GON4L: variants seen among roughly 807,000 people sequenced by gnomAD.
GON4L encodes the protein gon-4 like.
A neutral mutation model predicts 211.8 loss-of-function variants in GON4L; 87 were observed. The ratio of observed to expected loss-of-function variants is 0.41; its 90% confidence interval spans 0.35 to 0.49. The LOEUF (loss-of-function observed/expected upper bound fraction) is 0.49. GON4L is among the 20% of genes least tolerant of loss of function. The probability of loss-of-function intolerance (pLI) is 0.15; values close to 1 mark genes in which losing one functional copy is unlikely to be tolerated. For missense variants in GON4L, 2,155 were observed against 2,659.5 expected, an observed-to-expected ratio of 0.81 and a Z score of 4.17; for synonymous variants, 875 against 962.6, an observed-to-expected ratio of 0.91 and a Z score of 1.68.
intron 2 of GON4L, among the ~76,000 whole-genome samples, chr1:155,848,213 C>T (rs1260174654): frequency 6.6e-6 from 1 of 152,178 alleles, no homozygotes; most frequent in African/African-American, 2.4e-5. Flanking sequence ...TTGCACAAAG[C>T]CAAGAACCCC....
intron 20 of GON4L, chr1:155,767,210 C>T: frequency 2.5e-6 from 3 of 1,183,600 alleles, no homozygotes; most frequent in South Asian, 3.3e-5. Context: ...CTGTGAATTT[C>T]CTTTAGCAAA....
chr1:155,814,492 C>T (rs1210301063), intron 8 of GON4L, 43 bp from the exon 9 acceptor site: 2 of 1,597,212 alleles, frequency 1.3e-6, no homozygotes, highest in East Asian at 2.2e-5. Flanking sequence ...ATGCCCCTAC[C>T]TCATTCCACA....
At chr1:155,815,941 C>T (rs751817284) in intron 7 of GON4L, 41 bp from the exon 8 acceptor site, 1 of 1,158,778 alleles carries the variant, frequency 8.6e-7, no homozygotes, top group Non-Finnish European at 1.3e-6. Context: ...TAATGGGAAA[C>T]ACAAATCATA....
chr1:155,752,460 C>A lies in GON4L; in HGVS notation c.5973G>T (p.Leu1991=), dbSNP rs1442801370. The A allele has an allele frequency of 3.2e-6, 5 of 1,569,256 alleles. No individual in the cohort carries two copies. In the African/African-American group the frequency reaches 6.8e-5, roughly 21 times the overall value. Residue 1991 remains leucine (L), a synonymous_variant, in exon 30 of 32, where the codon CTG becomes CTT. Coordinates refer to ENST00000368331, the MANE Select transcript of GON4L (RefSeq NM_001282860.2). ...PQFPPTTGAV[L]YTVKRNQVGP... ...CAACCTGGTTTCTCTTAACAGTGTACAGTACAGCTCCAGTTGTGGGGGGAA... is the reference window on the plus strand; with the variant it reads ...CAACCTGGTTTCTCTTAACAGTGTAAAGTACAGCTCCAGTTGTGGGGGGAA...
intron 10 of GON4L, among the ~76,000 whole-genome samples, chr1:155,808,998 C>A (rs993639106): frequency 6.6e-6 from 1 of 152,050 alleles, no homozygotes; most frequent in East Asian, 1.9e-4. Flanking sequence ...ACTGTAGTCT[C>A]AAGCTCCCAG....
At chr1:155,748,694 A>G (rs1279294239), downstream of GON4L, 18 of 1,613,714 alleles carry the variant, frequency 1.1e-5, no homozygotes, top group Middle Eastern at 3.4e-4. Context: ...GAGCCACCCC[A>G]TGGACCCCAC....
chr1:155,771,552 A>G (rs1351365746), intron 18 of GON4L, among the ~76,000 whole-genome samples: 1 of 152,118 alleles, frequency 6.6e-6, no homozygotes, highest in African/African-American at 2.4e-5. Context: ...AGCGCACTGC[A>G]GCCTTGAATG....
rs144840507 is a variant in GON4L, at chr1:155,797,258, A to G, written c.1646-2107T>C. On this transcript the variant is annotated intron_variant, in intron 11 of 31. Coordinates refer to ENST00000368331, the MANE Select transcript of GON4L (RefSeq NM_001282860.2). ...GCATCCCGAGTAGCTGGGACTACAG[A>G]TGTGCACCACCATGCCCAGCTAATT... 9.4e-4 allele frequency among the ~76,000 whole-genome samples: 143 copies of G among 151,872 alleles called. 2 individuals are homozygous for G. The East Asian group carries it at 0.025, about 27-fold the overall frequency.
At position 155,765,042 on chromosome 1, in the gene GON4L, T is replaced by A; in HGVS notation, c.4431A>T (p.Ser1477=). 6.2e-7 allele frequency: 1 copy of A among 1,613,546 alleles called. No homozygotes were observed. The highest frequency in any genetic ancestry group is 8.5e-7 in the Non-Finnish European group (1 of 1,179,404). Residue 1477 remains serine, a synonymous_variant, in exon 21 of 32, where the codon TCA becomes TCT. Coordinates refer to ENST00000368331, the MANE Select transcript of GON4L (RefSeq NM_001282860.2). ...DLTQDEEDEM[S]SASEESVLSV... ...AAAGCACAGATTCCTCAGAAGCTGA[T>A]GACATTTCATCTTCCTCATCTTGGG...
At position 155,764,426 on chromosome 1, in the gene GON4L, ATTTTTTTTTTTTTTTTT is replaced by A. The variant is rs371568461; in HGVS notation, c.4473+557_4473+573del. ...GAGCCACCGTGCCCAGTTATTTACT[ATTTTTTTTTTTTTTTTT>A]TTTTTTTTTTTTTTGAGACAGAGCC... On this transcript the variant is annotated intron_variant, in intron 21 of 31. Transcript: ENST00000368331. The A allele has an allele frequency of 9.4e-3, 1,318 of 139,912 alleles. 1 individual carries two copies. The highest frequency in any genetic ancestry group is 0.034 in the South Asian group (191 of 5,584). 8.7% of individuals were successfully genotyped at this position (139,912 alleles called of 1,614,324 possible).
Position 155,765,942 on chromosome 1 carries a change from A to C in GON4L, c.3531T>G (p.Thr1177=). 6.2e-7 allele frequency: 1 copy of C among 1,614,200 alleles called. No individual in the cohort carries two copies. The highest frequency in any genetic ancestry group is 8.5e-7 in the Non-Finnish European group (1 of 1,180,042). Residue 1177 remains threonine (T), a synonymous_variant, in exon 21 of 32, where the codon ACT becomes ACG. Transcript: ENST00000368331. Reference sequence around the variant, plus strand: ...TAACCAAGAGGGTAGTGATGGGAATAGTCTGGGGACTCTGGGCCACAGCCG... The same window carrying C: ...TAACCAAGAGGGTAGTGATGGGAATCGTCTGGGGACTCTGGGCCACAGCCG... The part of the protein sequence containing the change: ...VNAAVAQSPQ[T]IPITTLLVNP...
chr1:155,753,919 G>A, intron 28 of GON4L: 1 of 222,268 alleles, frequency 4.5e-6, no homozygotes, highest in Non-Finnish European at 9.0e-6. Context: ...ACCCAGGCTG[G>A]AGCTCAGTGG....
In GON4L at chr1:155,853,501, C is replaced by G. The variant is rs1672001299; in HGVS notation, c.280G>C (p.Gly94Arg). 6.2e-7 allele frequency: 1 copy of G among 1,614,050 alleles called. No individual in the cohort carries two copies. The change falls in exon 2 of 32, where the codon GGT (glycine) becomes CGT (arginine). Residue 94 changes from glycine to arginine, a missense_variant. Gly to Arg is a moderately radical substitution (Grantham distance 125). Coordinates refer to ENST00000368331, the MANE Select transcript of GON4L (RefSeq NM_001282860.2). Reference sequence around the variant, plus strand: ...CCCTGAGAGATGGCCACATCAACACCTTCTAGAATTGGTACATTTGTGTTC... The same window carrying G: ...CCCTGAGAGATGGCCACATCAACACGTTCTAGAATTGGTACATTTGTGTTC... ...TQNTNVPILE[G>R]VDVAISQGIT... is the part of the protein sequence containing the mutation.
At position 155,767,672 on chromosome 1, in the gene GON4L, T is replaced by A. The variant is rs1662674270; in HGVS notation, c.2647-131A>T. On this transcript the variant is annotated intron_variant, in intron 19 of 31. Coordinates refer to ENST00000368331, the MANE Select transcript of GON4L (RefSeq NM_001282860.2). Reference sequence around the variant, plus strand: ...ACACACACACACACACAAGACCACATACACAAACATCCATGAACGCACATA... The same window carrying A: ...ACACACACACACACACAAGACCACAAACACAAACATCCATGAACGCACATA... The A allele has an allele frequency of 3.1e-6, 5 of 1,589,862 alleles. No homozygotes were observed. In the South Asian group the frequency reaches 3.3e-5, roughly 11 times the overall value.
intron 2 of GON4L, chr1:155,845,881 T>C: frequency 4.2e-6 from 1 of 238,442 alleles, no homozygotes. Flanking sequence ...AAATTGGAGT[T>C]AAACACTTGT....
intron 12 of GON4L, among the ~76,000 whole-genome samples, chr1:155,792,492 C>A (rs999897649): frequency 2.0e-5 from 3 of 152,022 alleles, no homozygotes; most frequent in Non-Finnish European, 2.9e-5. Context: ...AGTTCACAGT[C>A]TAGGGGAGAA....
At chr1:155,802,399 G>GA (rs998231247) in intron 11 of GON4L, among the ~76,000 whole-genome samples, 4 of 151,712 alleles carry the variant, frequency 2.6e-5, no homozygotes, top group African/African-American at 4.8e-5. Context: ...GTTTTACAGT[G>GA]AAAAAAGAGA....
At chr1:155,792,982 T>G (rs1446731649) in intron 12 of GON4L, among the ~76,000 whole-genome samples, 2 of 152,052 alleles carry the variant, frequency 1.3e-5, no homozygotes, top group Admixed American at 6.6e-5. Flanking sequence ...CCCAGGCTGG[T>G]CTTGAACTCC....
At chr1:155,748,457 G>A, downstream of GON4L, 1 of 1,609,862 alleles carries the variant, frequency 6.2e-7, no homozygotes, top group East Asian at 2.2e-5. Flanking sequence ...CACAGTCACT[G>A]TTCCTTATCG....
Sources: gnomAD v4.1 joint callset for allele counts (sites outside exome capture counted in the v4.1 genomes callset) on GRCh38, gnomAD v4.1.1 for gene constraint, MANE v1.5 for transcripts, NCBI Gene and HGNC (gene_info 2026-07-23, HGNC 2026-07-21) for gene names.